MYH15: variants seen among roughly 807,000 people sequenced by gnomAD.
MYH15 encodes the protein myosin-15.
Under a neutral mutation model 240.5 loss-of-function variants are expected in MYH15, and 227 were observed. The ratio of observed to expected loss-of-function variants is 0.94; its 90% CI spans 0.85 to 1.05. The LOEUF (loss-of-function observed/expected upper bound fraction) is 1.05. MYH15 is among the 50% of genes least tolerant of loss of function. The pLI, the probability that MYH15 is intolerant of heterozygous loss-of-function variation, is 0.00. For synonymous variants in MYH15, 785 were observed against 796.7 expected, an observed-to-expected ratio of 0.99 and a Z score of 0.25; for missense variants, 2,217 against 2,247.5, an observed-to-expected ratio of 0.99 and a Z score of 0.27.
At chr3:108,543,299 T>C in the MYH15 span, 1 of 152,272 alleles carries the variant, frequency 6.6e-6, no homozygotes, top group Non-Finnish European at 1.5e-5. Context: ...CTGTGAATAG[T>C]GCTGCAATGA....
At chr3:108,528,259 G>GA (rs1232340473) in intron 1 of MYH15, among the ~76,000 whole-genome samples, 1 of 151,958 alleles carries the variant, frequency 6.6e-6, no homozygotes, top group Non-Finnish European at 1.5e-5. Context: ...TTAATAAATA[G>GA]AAAAAAATAA....
At chr3:108,428,385 A>G (rs1269394613) in intron 27 of MYH15, 107 bp downstream of exon 27, 13 of 1,307,144 alleles carry the variant, frequency 9.9e-6, no homozygotes, top group Non-Finnish European at 2.1e-6. Context: ...ATTAGAAAAT[A>G]CACTGAGTCA....
chr3:108,404,295 T>C (rs977278993), intron 33 of MYH15, among the ~76,000 whole-genome samples: 1 of 152,154 alleles, frequency 6.6e-6, no homozygotes, highest in African/African-American at 2.4e-5. Context: ...GTCAGTTCAA[T>C]TGAACATGTT....
chr3:108,406,735 G>C (rs918232965), intron 32 of MYH15, among the ~76,000 whole-genome samples: 1 of 152,214 alleles, frequency 6.6e-6, no homozygotes, highest in African/African-American at 2.4e-5. Flanking sequence ...GCTGAGGACA[G>C]AAGTGGAGAA....
intron 36 of MYH15, 97 bp downstream of exon 36, chr3:108,393,934 A>G (rs1388394034): frequency 6.5e-7 from 1 of 1,548,348 alleles, no homozygotes; most frequent in Non-Finnish European, 8.8e-7. Context: ...TGGGAAATCA[A>G]TGGAATACTT....
chr3:108,515,681 G>A (rs1245528133), intron 1 of MYH15, among the ~76,000 whole-genome samples: 1 of 152,174 alleles, frequency 6.6e-6, no homozygotes, highest in Non-Finnish European at 1.5e-5. Flanking sequence ...ATTGTCTGGT[G>A]CATAGTAAAA....
rs1484062231 is a variant in MYH15 at position 108,394,160 on chromosome 3, A to T, written c.5134-4T>A. 1 of 1,613,940 alleles carries T rather than the reference A, an allele frequency of 6.2e-7. No individual in the cohort carries two copies. The highest frequency in any genetic ancestry group is 8.5e-7 in the Non-Finnish European group (1 of 1,179,928). ...TCTGGCTGAGGAGGCTTGTGTTCTA[A>T]AGAAAAGCAGCATTCCTATTAGGCA... On this transcript the variant is annotated splice_polypyrimidine_tract_variant and splice_region_variant and intron_variant, in intron 35 of 40. Transcript: ENST00000693548.
At chr3:108,384,923 T>C in intron 38 of MYH15, 141 bp from the exon 39 acceptor site, 1 of 668,244 alleles carries the variant, frequency 1.5e-6, no homozygotes, top group South Asian at 2.0e-5. Context: ...TGGGTTTAAC[T>C]CACCCAAGTT....
At chr3:108,437,528 C>A (rs761340705) in intron 25 of MYH15, 26 bp downstream of exon 25, 1 of 1,604,066 alleles carries the variant, frequency 6.2e-7, no homozygotes, top group Admixed American at 1.7e-5. Flanking sequence ...CTCCAGCAAT[C>A]TCATGTCAAC....
intron 35 of MYH15, among the ~76,000 whole-genome samples, chr3:108,397,247 C>T (rs1321273730): frequency 6.6e-6 from 1 of 152,206 alleles, no homozygotes; most frequent in South Asian, 2.1e-4. Context: ...CCCCACCTAT[C>T]TCAGCATGAT....
chr3:108,439,609 A>G, intron 24 of MYH15, 128 bp downstream of exon 24: 2 of 833,712 alleles, frequency 2.4e-6, no homozygotes, highest in South Asian at 5.9e-5. Flanking sequence ...TTTTATTCTC[A>G]ATAATCAGGA....
intron 25 of MYH15, among the ~76,000 whole-genome samples, chr3:108,435,686 TTA>T (rs1481355705): frequency 8.8e-6 from 1 of 114,044 alleles, no homozygotes; most frequent in East Asian, 2.1e-4. Context: ...TATGTATATT[TTA>T]TATACATATA....
intron 1 of MYH15, among the ~76,000 whole-genome samples, chr3:108,517,105 TC>T (rs528257702): frequency 2.9e-4 from 44 of 152,288 alleles, no homozygotes; most frequent in African/African-American, 9.9e-4. Context: ...TTCTTCTCTT[TC>T]CCAGTTGTTC....
the MYH15 span, among the ~76,000 whole-genome samples, chr3:108,534,748 G>T: frequency 6.6e-6 from 1 of 151,616 alleles, no homozygotes; most frequent in Admixed American, 6.6e-5. Flanking sequence ...GGGCGTGGTG[G>T]GATGCACCTG....
chr3:108,384,554 AC>A, intron 39 of MYH15, 132 bp downstream of exon 39: 1 of 746,060 alleles, frequency 1.3e-6, no homozygotes, highest in Non-Finnish European at 2.1e-6. Flanking sequence ...GAGAAAAAAA[AC>A]TGAGGATGAG....
chr3:108,431,219 A>C (rs1392292725), intron 25 of MYH15, among the ~76,000 whole-genome samples: 5 of 152,226 alleles, frequency 3.3e-5, no homozygotes, highest in African/African-American at 1.2e-4. Context: ...ACAATAATTC[A>C]TTCTCATTTT....
At chr3:108,482,707 A>G (rs2083276363) in intron 11 of MYH15, among the ~76,000 whole-genome samples, 1 of 152,176 alleles carries the variant, frequency 6.6e-6, no homozygotes, top group South Asian at 2.1e-4. Flanking sequence ...CACCCTATCT[A>G]CAACAACCTC....
upstream of MYH15, among the ~76,000 whole-genome samples, chr3:108,531,822 A>AT (rs1277466899): frequency 3.3e-5 from 5 of 150,942 alleles, no homozygotes; most frequent in Admixed American, 6.6e-5. Flanking sequence ...ATAAAATAAA[A>AT]ATAAATACTT....
rs745961391 is a variant in MYH15 at position 108,416,799 on chromosome 3, A to G, written c.3948+13T>C. On this transcript the variant is annotated intron_variant, in intron 29 of 40. Transcript: ENST00000693548. Reference sequence around the variant, plus strand: ...ACAGTCAAGAAACTAGTGAGAAATAATAGATACATTACTTTGGTCTCCTTT... The same window carrying G: ...ACAGTCAAGAAACTAGTGAGAAATAGTAGATACATTACTTTGGTCTCCTTT... 14 of 1,581,362 alleles carry G rather than the reference A, an allele frequency of 8.9e-6. 1 individual carries two copies. The East Asian group carries it at 1.1e-4, about 13-fold the overall frequency.
Sources: allele counts gnomAD v4.1 joint callset (sites outside exome capture counted in the v4.1 genomes callset), GRCh38; gene constraint gnomAD v4.1.1; transcripts MANE v1.5; gene names NCBI Gene and HGNC (gene_info 2026-07-23, HGNC 2026-07-21).